The following DNAAF10 variants were observed in gnomAD, a reference collection of about 807,000 sequenced individuals.
DNAAF10 encodes the protein dynein axonemal assembly factor 10.
In DNAAF10, 28 loss-of-function variants were observed where a neutral mutation model predicts 43.7. That is an observed-to-expected ratio of 0.64 (90% CI 0.48 to 0.88). The LOEUF (loss-of-function observed/expected upper bound fraction) is 0.88. DNAAF10 is among the 40% of genes least tolerant of loss of function. The pLI is 0.00. For missense variants in DNAAF10, 403 were observed against 439.1 expected (o/e 0.92, Z 0.73); for synonymous variants, 156 against 157.3 (o/e 0.99, Z 0.06).
At chr2:68,143,918 T>C (rs1673251198) in intron 3 of DNAAF10, among the ~76,000 whole-genome samples, 1 of 152,182 alleles carries the variant, frequency 6.6e-6, no homozygotes. Flanking sequence ...ACTAGAAAAT[T>C]ATATCTCACT....
At chr2:68,138,683 G>T in intron 5 of DNAAF10, 59 bp downstream of exon 5, 2 of 1,267,066 alleles carry the variant, frequency 1.6e-6, no homozygotes, top group Non-Finnish European at 2.3e-6. Context: ...TTTTGTAATA[G>T]TTCAGAGGTG....
intron 1 of DNAAF10, among the ~76,000 whole-genome samples, chr2:68,148,163 G>A (rs779085818): frequency 3.3e-5 from 5 of 152,070 alleles, no homozygotes; most frequent in African/African-American, 9.7e-5. Flanking sequence ...AATCACATAC[G>A]AATATATTAT....
chr2:68,143,589 A>C lies in DNAAF10; in HGVS notation c.415+996T>G, dbSNP rs1004734678. Among the ~76,000 whole-genome samples, 9 of 152,366 alleles carry C rather than the reference A, an allele frequency of 5.9e-5. No individual in the cohort carries two copies. The South Asian group carries it at 1.9e-3, about 32-fold the overall frequency. ...CCACTCTCATAAGACAACAAATAAA[A>C]AAAGCAAACCAAAGGCTTATAAGGG... On this transcript the variant is annotated intron_variant, in intron 3 of 7. Coordinates refer to ENST00000295121, the MANE Select transcript of DNAAF10 (RefSeq NM_138458.4).
rs570091434 is a variant in DNAAF10 at position 68,155,134 on chromosome 2, C to A, written c.183+2127G>T. On this transcript the variant is annotated intron_variant, in intron 1 of 7. Coordinates refer to ENST00000295121, the MANE Select transcript of DNAAF10 (RefSeq NM_138458.4). Reference sequence around the variant, plus strand: ...TCCTGCCACTGCACTCCATCGTAGGCAAGAGTGAGACCCTGTTTCAAAAAA... The same window carrying A: ...TCCTGCCACTGCACTCCATCGTAGGAAAGAGTGAGACCCTGTTTCAAAAAA... Among the ~76,000 whole-genome samples the A allele has an allele frequency of 9.4e-4, 139 of 147,308 alleles. 1 individual carries two copies. Among genetic ancestry groups the A allele is most frequent in the African/African-American group, 3.3e-3 (132 of 39,794 alleles).
chr2:68,142,497 G>T (rs551080559), intron 3 of DNAAF10, among the ~76,000 whole-genome samples: 27 of 152,308 alleles, frequency 1.8e-4, no homozygotes, highest in South Asian at 1.2e-3. Flanking sequence ...GACCTCAGGT[G>T]ATCCACCTGC....
At chr2:68,149,980 C>T (rs1673414067) in intron 1 of DNAAF10, among the ~76,000 whole-genome samples, 1 of 152,190 alleles carries the variant, frequency 6.6e-6, no homozygotes, top group Non-Finnish European at 1.5e-5. Flanking sequence ...TCTCTGGGAA[C>T]ATTTTTCTCA....
chr2:68,134,860 C>G, intron 6 of DNAAF10, 61 bp from the exon 7 acceptor site: 13 of 1,574,952 alleles, frequency 8.3e-6, no homozygotes, highest in Non-Finnish European at 1.1e-5. Flanking sequence ...GGAAGAGAAA[C>G]GCTGCAAATA....
chr2:68,149,838 C>T (rs1673410158), intron 1 of DNAAF10, among the ~76,000 whole-genome samples: 1 of 152,172 alleles, frequency 6.6e-6, no homozygotes, highest in South Asian at 2.1e-4. Context: ...ATAATGGCTT[C>T]CATGTTCTGA....
At chr2:68,137,913 G>A (rs1015948680) in intron 5 of DNAAF10, among the ~76,000 whole-genome samples, 4 of 139,310 alleles carry the variant, frequency 2.9e-5, no homozygotes, top group Admixed American at 7.7e-5. Context: ...AGTGGCTCAC[G>A]CCTGTAATCC....
At chr2:68,145,099 CTGA>C (rs1407732902) in intron 2 of DNAAF10, among the ~76,000 whole-genome samples, 1 of 151,896 alleles carries the variant, frequency 6.6e-6, no homozygotes, top group African/African-American at 2.4e-5. Context: ...CTGTGGTACA[CTGA>C]AGTCTGAAAA....
chr2:68,147,264 A>G (rs1383655558), intron 2 of DNAAF10, among the ~76,000 whole-genome samples: 1 of 152,188 alleles, frequency 6.6e-6, no homozygotes, highest in Non-Finnish European at 1.5e-5. Context: ...AAAATATCTA[A>G]AGAAAAATAG....
At chr2:68,132,781 C>G (rs1020900872) in intron 7 of DNAAF10, among the ~76,000 whole-genome samples, 1 of 152,180 alleles carries the variant, frequency 6.6e-6, no homozygotes, top group South Asian at 2.1e-4. Context: ...AACTCCAAAC[C>G]GATTTGAAGA....
rs868328448 is a variant in DNAAF10, at chr2:68,156,395, G to A, written c.183+866C>T. 7.2e-5 allele frequency among the ~76,000 whole-genome samples: 11 copies of A among 152,170 alleles called. 1 individual carries two copies. In the South Asian group the frequency reaches 2.1e-3, roughly 29 times the overall value. On this transcript the variant is annotated intron_variant, in intron 1 of 7. Transcript: ENST00000295121. Reference sequence around the variant, plus strand: ...TTGTAGTCTATTACAACCCTGATCTGATAATGACTGATCATTTTTTCAGGT... The same window carrying A: ...TTGTAGTCTATTACAACCCTGATCTAATAATGACTGATCATTTTTTCAGGT...
At chr2:68,144,158 G>A (rs191770050) in intron 3 of DNAAF10, among the ~76,000 whole-genome samples, 294 of 152,278 alleles carry the variant, frequency 1.9e-3, no homozygotes, top group Non-Finnish European at 3.1e-3. Context: ...ATGCTTAGTG[G>A]ATGGATCACA....
Position 68,130,113 on chromosome 2 carries a change from G to GATATATATATATATATATATATATATAT in DNAAF10, c.*1124_*1125insATATATATATATATATATATATATATAT, listed in dbSNP as rs1473238532. 1 of 133,614 alleles carries GATATATATATATATATATATATATATAT rather than the reference G, an allele frequency of 7.5e-6. No homozygotes were observed. Among genetic ancestry groups the GATATATATATATATATATATATATATAT allele is most frequent in the African/African-American group, 2.9e-5 (1 of 34,650 alleles). 8.3% of individuals were successfully genotyped at this position (133,614 alleles called of 1,614,324 possible). On this transcript the variant is annotated 3_prime_UTR_variant, in exon 8 of 8. Coordinates refer to ENST00000295121, the MANE Select transcript of DNAAF10 (RefSeq NM_138458.4). ...ACCAACCGTGCCGTTTTGAGAGAGAGAGATATATATATATATATTTGTTTT... is the reference window on the plus strand; with the variant it reads ...ACCAACCGTGCCGTTTTGAGAGAGAGATATATATATATATATATATATATATATAGATATATATATATATATTTGTTTT...
intron 6 of DNAAF10, among the ~76,000 whole-genome samples, chr2:68,136,904 A>G (rs1300937137): frequency 6.6e-6 from 1 of 151,762 alleles, no homozygotes. Flanking sequence ...ACTGGAATAT[A>G]AAACAAAGTG....
In DNAAF10 at chr2:68,131,271, T is replaced by C. The variant is rs1177728856; in HGVS notation, c.1041A>G (p.Arg347=). ...TATTGAGCTTTGTAACGATCAGTAC[T>C]CTCACCGTTTGGTCAAATGAACTAC... is the stretch of plus-strand genomic sequence containing the variant. ...CVCSSFDQTV[R]VLIVTKLNKI is the part of the protein sequence containing the mutation. The change falls in exon 8 of 8, where the codon AGA becomes AGG. Residue 347 remains arginine, a synonymous_variant. Transcript: ENST00000295121. 4 of 1,613,960 alleles carry C rather than the reference T, an allele frequency of 2.5e-6. No homozygotes were observed. The Admixed American group carries it at 5.0e-5, about 20-fold the overall frequency.
rs1382006842 is a variant in DNAAF10, at chr2:68,149,518, A to AT, written c.184-1952dup. Among the ~76,000 whole-genome samples the AT allele has an allele frequency of 2.6e-5, 4 of 152,202 alleles. No homozygotes were observed. The East Asian group carries it at 7.7e-4, about 29-fold the overall frequency. Reference sequence around the variant, plus strand: ...AGAAAATTAATATTCATTTATTCCCATTTTTTCCCAATTTTATGAAAAAGA... The same window carrying AT: ...AGAAAATTAATATTCATTTATTCCCATTTTTTTCCCAATTTTATGAAAAAGA... On this transcript the variant is annotated intron_variant, in intron 1 of 7. Transcript: ENST00000295121.
chr2:68,150,727 C>T (rs113905966), intron 1 of DNAAF10, among the ~76,000 whole-genome samples: 5,779 of 151,546 alleles, frequency 0.038, 327 homozygotes, highest in African/African-American at 0.13. Context: ...AGAGAGACTC[C>T]GTCTCAAAAA....
Sources: allele counts gnomAD v4.1 joint callset (sites outside exome capture counted in the v4.1 genomes callset), GRCh38; gene constraint gnomAD v4.1.1; transcripts MANE v1.5; gene names NCBI Gene and HGNC (gene_info 2026-07-23, HGNC 2026-07-21).